The following TTC7A variants were observed in gnomAD, a reference collection of about 807,000 sequenced individuals.
The protein encoded by TTC7A is tetratricopeptide repeat domain 7A, also known as tetratricopeptide repeat protein 7A.
In TTC7A, 110 loss-of-function variants were observed where a neutral mutation model predicts 103.7. That is an observed-to-expected ratio of 1.06 (90% confidence interval 0.91 to 1.24). The LOEUF (loss-of-function observed/expected upper bound fraction) is 1.24, where lower values mean the gene tolerates loss of function less well. Among genes scored for constraint, TTC7A ranks in the 50% most tolerant of loss-of-function variants. The pLI, the probability that TTC7A is intolerant of heterozygous loss-of-function variation, is 0.00. For missense variants in TTC7A, 1,340 were observed against 1,116.3 expected (o/e 1.20, Z -2.86); for synonymous variants, 521 against 467.9 (o/e 1.11, Z -1.47).
chr2:46,936,721 C>T (rs368913822), upstream of TTC7A, among the ~76,000 whole-genome samples: 1 of 152,138 alleles, frequency 6.6e-6, no homozygotes. Context: ...TTTAGAATTG[C>T]GGTAGCCACT....
intron 1 of TTC7A, among the ~76,000 whole-genome samples, chr2:46,949,856 G>A (rs1161747937): frequency 6.6e-6 from 1 of 152,142 alleles, no homozygotes; most frequent in Non-Finnish European, 1.5e-5. Context: ...AGCTAGGGTG[G>A]CAGAGTGAGA....
intron 2 of TTC7A, among the ~76,000 whole-genome samples, chr2:46,931,821 T>A (rs1315226016): frequency 6.6e-6 from 1 of 152,226 alleles, no homozygotes; most frequent in Admixed American, 6.5e-5. Context: ...TACTTTGGAC[T>A]TCTGACCTCA....
chr2:46,944,253 C>A (rs1670723101), intron 1 of TTC7A, among the ~76,000 whole-genome samples: 1 of 152,248 alleles, frequency 6.6e-6, no homozygotes, highest in Non-Finnish European at 1.5e-5. Context: ...TCCCTTGTAT[C>A]CATCAACCAA....
rs1317715293 is a variant in TTC7A, at chr2:47,074,213, C to T, written c.*290C>T. The T allele has an allele frequency of 1.1e-5, 5 of 466,718 alleles. No individual in the cohort carries two copies. The highest frequency in any genetic ancestry group is 2.0e-5 in the Non-Finnish European group (5 of 255,980). 28.9% of individuals were successfully genotyped at this position (466,718 alleles called of 1,614,324 possible). On this transcript the variant is annotated 3_prime_UTR_variant, in exon 20 of 20. Coordinates refer to ENST00000319190, the MANE Select transcript of TTC7A (RefSeq NM_020458.4). ...AGCTGGGCAGCGGGGAGCCTCACAGCTGTCCTTCACCCTCACCCATGCCTC... is the reference window on the plus strand; with the variant it reads ...AGCTGGGCAGCGGGGAGCCTCACAGTTGTCCTTCACCCTCACCCATGCCTC...
chr2:47,016,816 G>C (rs1378619908), intron 11 of TTC7A, among the ~76,000 whole-genome samples: 1 of 152,202 alleles, frequency 6.6e-6, no homozygotes, highest in African/African-American at 2.4e-5. Flanking sequence ...AAGGGCAGGC[G>C]CTGGGCCAGT....
chr2:47,029,369 AC>A lies in TTC7A; in HGVS notation c.1790del (p.Pro597LeufsTer6). Reference protein sequence around the residue: ...LDVVNMAITEHPENFNLMFTK... With the variant: ...LDVVNMAITEXPENFNLMFTK... Reference sequence around the variant, plus strand: ...GTTGTCAACATGGCCATCACCGAGCACCCTGAGAACTTCAAGTGAGTGCCCT... The same window carrying A: ...GTTGTCAACATGGCCATCACCGAGCACCTGAGAACTTCAAGTGAGTGCCCT... On this transcript the variant is annotated frameshift_variant, in exon 15 of 20. Transcript: ENST00000319190. LOFTEE classifies it high-confidence loss of function. 6.2e-7 allele frequency: 1 copy of A among 1,613,750 alleles called. No individual in the cohort carries two copies. Among genetic ancestry groups the A allele is most frequent in the Non-Finnish European group, 8.5e-7 (1 of 1,180,002 alleles).
chr2:46,974,309 C>G (rs1673643769), intron 3 of TTC7A, among the ~76,000 whole-genome samples: 1 of 152,246 alleles, frequency 6.6e-6, no homozygotes, highest in African/African-American at 2.4e-5. Flanking sequence ...CAAGCAAGTG[C>G]AGGGTCTGCA....
intron 14 of TTC7A, 127 bp from the exon 15 acceptor site, chr2:47,029,097 T>A: frequency 9.0e-7 from 1 of 1,106,374 alleles, no homozygotes; most frequent in Non-Finnish European, 1.3e-6. Flanking sequence ...CACAGCAGCC[T>A]CCCTGCCCCC....
intron 4 of TTC7A, among the ~76,000 whole-genome samples, chr2:46,977,621 A>C (rs2104256314): frequency 6.6e-6 from 1 of 152,286 alleles, no homozygotes; most frequent in South Asian, 2.1e-4. Flanking sequence ...GCAGGCACTT[A>C]GATGTTTGTG....
At chr2:46,970,164 T>C (rs1673227962) in intron 3 of TTC7A, among the ~76,000 whole-genome samples, 2 of 152,026 alleles carry the variant, frequency 1.3e-5, no homozygotes, top group Admixed American at 1.3e-4. Context: ...TAATTTTTTC[T>C]ATTTTGGGGG....
chr2:47,024,965 T>A (rs1048440694), intron 14 of TTC7A, among the ~76,000 whole-genome samples: 1 of 152,212 alleles, frequency 6.6e-6, no homozygotes, highest in Non-Finnish European at 1.5e-5. Context: ...TTTACTTTCC[T>A]GTGGCGCCTC....
At chr2:47,066,423 C>T (rs1409930462) in intron 19 of TTC7A, among the ~76,000 whole-genome samples, 1 of 152,134 alleles carries the variant, frequency 6.6e-6, no homozygotes, top group Non-Finnish European at 1.5e-5. Context: ...CAGAGCTCTG[C>T]CCATCCAAGC....
rs1430488570 is a variant in TTC7A, at chr2:46,957,090, G to A, written c.517+83G>A. The A allele has an allele frequency of 1.0e-4, 161 of 1,562,646 alleles. 2 individuals are homozygous for A. The South Asian group carries it at 1.2e-3, about 11-fold the overall frequency. ...ACTCCCAGGGCCCTGCTGGGCTCGT[G>A]TCCAGATTCTTCACCCCTGGTAGTG... is the stretch of plus-strand genomic sequence containing the variant. On this transcript the variant is annotated intron_variant, in intron 3 of 19. Coordinates refer to ENST00000319190, the MANE Select transcript of TTC7A (RefSeq NM_020458.4).
At chr2:46,985,492 T>C (rs910292125) in intron 5 of TTC7A, among the ~76,000 whole-genome samples, 1 of 152,224 alleles carries the variant, frequency 6.6e-6, no homozygotes, top group Non-Finnish European at 1.5e-5. Context: ...TTCCTCATAA[T>C]TGTGGCTAAT....
In TTC7A at chr2:47,073,786, G is replaced by A. The variant is rs766107839; in HGVS notation, c.2440G>A (p.Glu814Lys). Residue 814 changes from glutamate (E) to lysine (K), a missense_variant, in exon 20 of 20, where the codon GAG becomes AAG. Transcript: ENST00000319190. ...CGTGGAGAGGCAGAGTACGTGCCAC[G>A]AGGCGTGGCAGGGCCTGGGCGAGGT... is the stretch of plus-strand genomic sequence containing the variant. The part of the protein sequence containing the change: ...DAVERQSTCH[E>K]AWQGLGEVLQ... 39 of 1,613,696 alleles carry A rather than the reference G, an allele frequency of 2.4e-5. No individual in the cohort carries two copies. In the Admixed American group the frequency reaches 4.5e-4, roughly 19 times the overall value.
chr2:47,071,524 C>G (rs1424834711), intron 19 of TTC7A, among the ~76,000 whole-genome samples: 1 of 152,232 alleles, frequency 6.6e-6, no homozygotes, highest in Non-Finnish European at 1.5e-5. Flanking sequence ...AGAATCCTCA[C>G]AAGAGCCCCG....
chr2:47,009,160 G>A (rs1385310074), intron 10 of TTC7A, among the ~76,000 whole-genome samples: 1 of 152,144 alleles, frequency 6.6e-6, no homozygotes, highest in Non-Finnish European at 1.5e-5. Context: ...CAGGGCCTCA[G>A]GAGGAGGTAG....
rs761821511 is a variant in TTC7A at position 46,993,433 on chromosome 2, T to C, written c.765-17T>C. On this transcript the variant is annotated splice_polypyrimidine_tract_variant and intron_variant, in intron 5 of 19. Coordinates refer to ENST00000319190, the MANE Select transcript of TTC7A (RefSeq NM_020458.4). Reference sequence around the variant, plus strand: ...GCTAGGCTGGTAACAAATCTACTTCTGCCGTCCTCCCACCAGGAACATCGT... The same window carrying C: ...GCTAGGCTGGTAACAAATCTACTTCCGCCGTCCTCCCACCAGGAACATCGT... 1 of 1,613,976 alleles carries C rather than the reference T, an allele frequency of 6.2e-7. No homozygotes were observed. Among genetic ancestry groups the C allele is most frequent in the Non-Finnish European group, 8.5e-7 (1 of 1,179,804 alleles).
At chr2:46,923,076 T>C (rs1322332201) in intron 2 of TTC7A, among the ~76,000 whole-genome samples, 1 of 152,270 alleles carries the variant, frequency 6.6e-6, no homozygotes, top group African/African-American at 2.4e-5. Flanking sequence ...CAGGTGCTTC[T>C]GTCCCCATGG....
Sources: gnomAD v4.1 joint callset for allele counts (sites outside exome capture counted in the v4.1 genomes callset) on GRCh38, gnomAD v4.1.1 for gene constraint, MANE v1.5 for transcripts, NCBI Gene and HGNC (gene_info 2026-07-23, HGNC 2026-07-21) for gene names.